Variants in AFG2A observed in about 807,000 individuals in gnomAD.
AFG2A encodes the protein ATPase family gene 2 protein homolog A.
the AFG2A span, among the ~76,000 whole-genome samples, chr4:123,308,826 A>G: frequency 1.6e-4 from 24 of 152,312 alleles, no homozygotes; most frequent in African/African-American, 5.8e-4. Context: ...TTCAGCAAAC[A>G]TACCTTGACT....
the AFG2A span, among the ~76,000 whole-genome samples, chr4:123,019,658 T>A: frequency 6.6e-6 from 1 of 152,228 alleles, no homozygotes; most frequent in Non-Finnish European, 1.5e-5. Context: ...ATTATAAAGC[T>A]GTTTTTCAGT....
At chr4:123,058,966 G>A in the AFG2A span, among the ~76,000 whole-genome samples, 31 of 152,150 alleles carry the variant, frequency 2.0e-4, no homozygotes, top group Middle Eastern at 3.4e-3. Context: ...CCACCTATGA[G>A]CCTATAAAAT....
chr4:122,934,684 A>G, the AFG2A span: 1 of 1,602,580 alleles, frequency 6.2e-7, no homozygotes, highest in South Asian at 1.1e-5. Context: ...GCTGAAAGCA[A>G]TTAGAGAAAT....
chr4:123,076,085 A>G, the AFG2A span, among the ~76,000 whole-genome samples: 2 of 152,082 alleles, frequency 1.3e-5, no homozygotes. Flanking sequence ...AGCCTGAGCA[A>G]CATAAGACTC....
At chr4:123,305,627 C>T in the AFG2A span, among the ~76,000 whole-genome samples, 2 of 152,228 alleles carry the variant, frequency 1.3e-5, no homozygotes, top group Non-Finnish European at 2.9e-5. Context: ...CCAACGTTTT[C>T]AGCTTTTCCT....
the AFG2A span, among the ~76,000 whole-genome samples, chr4:122,952,638 C>T: frequency 3.3e-5 from 5 of 152,060 alleles, no homozygotes; most frequent in Admixed American, 6.5e-5. Flanking sequence ...GGTGTGAGGG[C>T]GCAGTTTGAA....
At chr4:123,266,896 A>G in the AFG2A span, among the ~76,000 whole-genome samples, 1 of 151,994 alleles carries the variant, frequency 6.6e-6, no homozygotes, top group Non-Finnish European at 1.5e-5. Flanking sequence ...TGTGTCCACT[A>G]GAATAATTGT....
the AFG2A span, among the ~76,000 whole-genome samples, chr4:123,060,215 G>A: frequency 1.3e-5 from 2 of 152,184 alleles, no homozygotes; most frequent in Admixed American, 1.3e-4. Context: ...ACAGGCACAT[G>A]GTGCAAGCTG....
chr4:123,157,408 C>T, the AFG2A span, among the ~76,000 whole-genome samples: 1 of 152,162 alleles, frequency 6.6e-6, no homozygotes, highest in African/African-American at 2.4e-5. Flanking sequence ...CTTTTCTGGA[C>T]TAGGCCACCT....
At chr4:122,947,585 G>T in the AFG2A span, 1 of 1,312,684 alleles carries the variant, frequency 7.6e-7, no homozygotes. Flanking sequence ...CTTAATGGAA[G>T]TAGCTTTGTT....
At chr4:123,184,934 C>T in the AFG2A span, among the ~76,000 whole-genome samples, 1 of 152,156 alleles carries the variant, frequency 6.6e-6, no homozygotes, top group Admixed American at 6.5e-5. Flanking sequence ...ATCAAATTTC[C>T]CAGAGGCAGT....
chr4:123,041,841 C>G, the AFG2A span, among the ~76,000 whole-genome samples: 1 of 152,146 alleles, frequency 6.6e-6, no homozygotes, highest in East Asian at 1.9e-4. Context: ...AACAGTTTTT[C>G]AAAAAGATTA....
chr4:123,177,916 G>T, the AFG2A span, among the ~76,000 whole-genome samples: 1 of 152,098 alleles, frequency 6.6e-6, no homozygotes, highest in Non-Finnish European at 1.5e-5. Context: ...AATGGGCTGT[G>T]TTCTGGAATG....
chr4:123,068,211 G>A, the AFG2A span, among the ~76,000 whole-genome samples: 2 of 152,106 alleles, frequency 1.3e-5, no homozygotes, highest in Non-Finnish European at 2.9e-5. Context: ...GATTTCCTAG[G>A]ATGTCAGTTT....
chr4:123,301,590 G>A, the AFG2A span, among the ~76,000 whole-genome samples: 4 of 152,144 alleles, frequency 2.6e-5, no homozygotes, highest in African/African-American at 9.7e-5. Flanking sequence ...CAATGAGTAT[G>A]ACATGCATAA....
chr4:122,950,718 A>G, the AFG2A span, among the ~76,000 whole-genome samples: 1 of 152,176 alleles, frequency 6.6e-6, no homozygotes, highest in Non-Finnish European at 1.5e-5. Context: ...TTGCTGGGTT[A>G]TGCTCGTTGT....
the AFG2A span, among the ~76,000 whole-genome samples, chr4:123,023,541 A>G: frequency 6.6e-6 from 1 of 152,262 alleles, no homozygotes; most frequent in East Asian, 1.9e-4. Context: ...TTTCTTTGCC[A>G]TTGTCACTAG....
chr4:123,310,581 C>CA, the AFG2A span, among the ~76,000 whole-genome samples: 3,332 of 152,298 alleles, frequency 0.022, 63 homozygotes, highest in Non-Finnish European at 0.035. Flanking sequence ...CCATGGTACA[C>CA]ACGGCATTTA....
At chr4:123,014,397 G>GT in the AFG2A span, among the ~76,000 whole-genome samples, 3 of 150,814 alleles carry the variant, frequency 2.0e-5, no homozygotes, top group South Asian at 2.1e-4. Flanking sequence ...TTTTTTATGA[G>GT]TTTTTTTTCT....
Sources: allele counts gnomAD v4.1 joint callset (sites outside exome capture counted in the v4.1 genomes callset), GRCh38; gene constraint gnomAD v4.1.1; transcripts MANE v1.5; gene names NCBI Gene and HGNC (gene_info 2026-07-23, HGNC 2026-07-21).